JAK1: variants seen among roughly 807,000 people sequenced by gnomAD.
JAK1 encodes tyrosine-protein kinase JAK1.
JAK1 carries 16 observed loss-of-function variants against 136.6 expected under a neutral mutation model. The observed-to-expected ratio is 0.12, with a 90% CI of 0.08 to 0.18. The LOEUF is 0.18. Ranked by LOEUF, JAK1 falls within the 10% of genes least tolerant of loss-of-function variation. The probability of loss-of-function intolerance (pLI) is 1.00; values close to 1 mark genes in which losing one functional copy is unlikely to be tolerated. For synonymous variants in JAK1, 492 were observed against 519.5 expected, an observed-to-expected ratio of 0.95 and a Z score of 0.72; for missense variants, 859 against 1,450.1, an observed-to-expected ratio of 0.59 and a Z score of 6.62.
intron 1 of JAK1, among the ~76,000 whole-genome samples, chr1:64,963,951 G>C (rs925439429): frequency 1.3e-5 from 2 of 152,108 alleles, no homozygotes; most frequent in South Asian, 4.1e-4. Context: ...CCCCCAAGTT[G>C]TAACAACCAA....
chr1:64,950,141 G>C (rs1418567873), intron 1 of JAK1, among the ~76,000 whole-genome samples: 2 of 152,148 alleles, frequency 1.3e-5, no homozygotes, highest in African/African-American at 2.4e-5. Context: ...CGGGCGCAGT[G>C]GCTTACACCT....
chr1:64,960,934 T>C (rs1313002488), intron 1 of JAK1, among the ~76,000 whole-genome samples: 4 of 152,224 alleles, frequency 2.6e-5, no homozygotes, highest in Non-Finnish European at 1.5e-5. Context: ...AATTGCTAGC[T>C]TGTTGACAAT....
intron 2 of JAK1, chr1:65,002,375 G>A (rs999943659): frequency 6.6e-6 from 1 of 152,226 alleles, no homozygotes; most frequent in African/African-American, 2.4e-5. Context: ...GCTGATCCAA[G>A]GGAAGTATGA....
At chr1:64,861,528 T>G (rs993308646) in intron 8 of JAK1, among the ~76,000 whole-genome samples, 1 of 152,146 alleles carries the variant, frequency 6.6e-6, no homozygotes. Context: ...AGGGAAGGTA[T>G]GCAAAAGCCA....
At chr1:65,005,294 A>C (rs1646794473) in intron 2 of JAK1, among the ~76,000 whole-genome samples, 1 of 151,966 alleles carries the variant, frequency 6.6e-6, no homozygotes, top group Non-Finnish European at 1.5e-5. Context: ...CAGTAAGCCG[A>C]GATCACGCCA....
chr1:65,026,183 C>T lies in JAK1; in HGVS notation c.-78+18297G>A, dbSNP rs147979383. On this transcript the variant is annotated intron_variant, in intron 2 of 25. Transcript: ENST00000671954. ...TACCTATCCAGCCAGTGTTTGCTTT[C>T]CAGATGGGACTGCAGAGATTTCCAC... Among the ~76,000 whole-genome samples the T allele has an allele frequency of 2.0e-3, 300 of 152,310 alleles. 3 individuals are homozygous for T. The highest frequency in any genetic ancestry group is 6.4e-3 in the African/African-American group (265 of 41,568).
At position 64,886,350 on chromosome 1, in the gene JAK1, A is replaced by T. The variant is rs1314725191; in HGVS notation, c.-77-9T>A. On this transcript the variant is annotated splice_polypyrimidine_tract_variant and intron_variant, in intron 1 of 24. Coordinates refer to ENST00000342505, the MANE Select transcript of JAK1 (RefSeq NM_002227.4). ...GCTACTTCAGAGAAGCGCTAAAGAC[A>T]AAAATAAATAAATAAATCAGTGGCA... 7 of 1,461,200 alleles carry T rather than the reference A, an allele frequency of 4.8e-6. No homozygotes were observed. Among genetic ancestry groups the T allele is most frequent in the Non-Finnish European group, 6.4e-6 (7 of 1,094,086 alleles). 90.5% of individuals were successfully genotyped at this position (1,461,200 alleles called of 1,614,324 possible). A position where few individuals can be genotyped will look rare whatever the true frequency, so the allele number is the denominator to read the frequency against.
intron 1 of JAK1, among the ~76,000 whole-genome samples, chr1:64,915,148 T>C (rs1393552130): frequency 6.6e-6 from 1 of 152,116 alleles, no homozygotes; most frequent in South Asian, 2.1e-4. Context: ...AAATGGCAGA[T>C]TGAACAGAAA....
chr1:65,047,479 G>A (rs1647194996), intron 1 of JAK1, among the ~76,000 whole-genome samples: 1 of 152,208 alleles, frequency 6.6e-6, no homozygotes, highest in East Asian at 1.9e-4. Context: ...AGCACTTTGG[G>A]AGGCCAAGAC....
intron 1 of JAK1, among the ~76,000 whole-genome samples, chr1:64,952,252 G>A (rs1404873915): frequency 6.6e-6 from 1 of 152,136 alleles, no homozygotes; most frequent in Non-Finnish European, 1.5e-5. Context: ...GTGCCTAGAG[G>A]CCTTATTAAG....
At chr1:64,891,508 G>T (rs1000967983) in intron 1 of JAK1, among the ~76,000 whole-genome samples, 1 of 152,174 alleles carries the variant, frequency 6.6e-6, no homozygotes, top group African/African-American at 2.4e-5. Flanking sequence ...CTAATGCTCT[G>T]CCCTGGCACC....
intron 1 of JAK1, among the ~76,000 whole-genome samples, chr1:65,067,007 G>A (rs1441147586): frequency 6.6e-6 from 1 of 152,118 alleles, no homozygotes; most frequent in Non-Finnish European, 1.5e-5. Flanking sequence ...CCCCAGCGAG[G>A]GCCGCGCAAA....
intron 1 of JAK1, among the ~76,000 whole-genome samples, chr1:65,049,615 A>T (rs1206508554): frequency 6.6e-6 from 1 of 152,050 alleles, no homozygotes; most frequent in Non-Finnish European, 1.5e-5. Context: ...CTTGGGGCAC[A>T]TGTTTGTTGA....
intron 1 of JAK1, among the ~76,000 whole-genome samples, chr1:65,058,728 C>A (rs191199184): frequency 2.8e-3 from 428 of 152,264 alleles, no homozygotes; most frequent in Non-Finnish European, 4.2e-3. Flanking sequence ...CATGACTTAT[C>A]CATATTAATG....
At chr1:64,840,616 G>A (rs1480493742) in intron 19 of JAK1, among the ~76,000 whole-genome samples, 1 of 152,118 alleles carries the variant, frequency 6.6e-6, no homozygotes, top group African/African-American at 2.4e-5. Context: ...CTTGCTTGAG[G>A]CCAGGAGTCT....
At chr1:65,025,623 C>T (rs1459880633) in intron 2 of JAK1, among the ~76,000 whole-genome samples, 2 of 152,104 alleles carry the variant, frequency 1.3e-5, no homozygotes, top group Non-Finnish European at 2.9e-5. Flanking sequence ...CTTGCTAGCA[C>T]TATGACCTTG....
At chr1:65,053,879 T>C (rs1647404724) in intron 1 of JAK1, among the ~76,000 whole-genome samples, 1 of 152,164 alleles carries the variant, frequency 6.6e-6, no homozygotes, top group South Asian at 2.1e-4. Context: ...TGGGTGGTTA[T>C]TCAGAGAAGC....
intron 1 of JAK1, among the ~76,000 whole-genome samples, chr1:64,897,804 G>C (rs957419410): frequency 2.2e-4 from 33 of 152,110 alleles, no homozygotes; most frequent in African/African-American, 7.2e-4. Flanking sequence ...GGTGTGCTAC[G>C]TGGGGTGGGG....
chr1:64,851,001 G>A, intron 11 of JAK1, 91 bp from the exon 12 acceptor site: 1 of 812,812 alleles, frequency 1.2e-6, no homozygotes, highest in Non-Finnish European at 2.1e-6. Context: ...CGTGGGACCG[G>A]TGTGCGGGCG....
Sources: gnomAD v4.1 joint callset for allele counts (sites outside exome capture counted in the v4.1 genomes callset) on GRCh38, gnomAD v4.1.1 for gene constraint, MANE v1.5 for transcripts, NCBI Gene and HGNC (gene_info 2026-07-23, HGNC 2026-07-21) for gene names.